NTRK2: variants seen among roughly 807,000 people sequenced by gnomAD.
NTRK2 encodes BDNF/NT-3 growth factors receptor.
Under a neutral mutation model 94.5 loss-of-function variants are expected in NTRK2, and 13 were observed. The ratio of observed to expected loss-of-function variants is 0.14; its 90% CI spans 0.09 to 0.22. The LOEUF is 0.22. Ranked by LOEUF, NTRK2 falls within the 10% of genes least tolerant of loss-of-function variation. The probability of loss-of-function intolerance (pLI) is 1.00; values close to 1 mark genes in which losing one functional copy is unlikely to be tolerated. For synonymous variants in NTRK2, 372 were observed against 407.4 expected, an observed-to-expected ratio of 0.91 and a Z score of 1.05; for missense variants, 639 against 1,071.2, an observed-to-expected ratio of 0.60 and a Z score of 5.63.
At chr9:84,753,853 A>G (rs1485149880) in intron 12 of NTRK2, among the ~76,000 whole-genome samples, 1 of 152,182 alleles carries the variant, frequency 6.6e-6, no homozygotes, top group Non-Finnish European at 1.5e-5. Context: ...TGGAGAGAGG[A>G]TATACCCAGG....
At chr9:84,759,254 T>C (rs1193463998) in intron 12 of NTRK2, among the ~76,000 whole-genome samples, 1 of 152,262 alleles carries the variant, frequency 6.6e-6, no homozygotes, top group Non-Finnish European at 1.5e-5. Context: ...TTTTAAAGTC[T>C]CTTACTTCTT....
intron 17 of NTRK2, among the ~76,000 whole-genome samples, chr9:84,988,268 G>A (rs1357632882): frequency 6.6e-6 from 1 of 152,208 alleles, no homozygotes; most frequent in Non-Finnish European, 1.5e-5. Context: ...TGGAGGGAGA[G>A]AGAGAGCAAG....
At chr9:84,672,976 C>A (rs1421038110) in intron 2 of NTRK2, among the ~76,000 whole-genome samples, 1 of 152,136 alleles carries the variant, frequency 6.6e-6, no homozygotes, top group East Asian at 1.9e-4. Context: ...TCTACTCTAA[C>A]TTTTTTCCCT....
chr9:84,849,399 G>A (rs1337571006), intron 12 of NTRK2, among the ~76,000 whole-genome samples: 3 of 152,114 alleles, frequency 2.0e-5, no homozygotes, highest in Admixed American at 6.6e-5. Context: ...TCGGTGGGTG[G>A]GGGAGTCCAA....
chr9:85,025,206 A>G lies in NTRK2; in HGVS notation c.*3769A>G, dbSNP rs559821761. The G allele has an allele frequency of 4.3e-6, 1 of 233,220 alleles. No individual in the cohort carries two copies. Among genetic ancestry groups the G allele is most frequent in the East Asian group, 6.0e-5 (1 of 16,578 alleles). The allele number at this position is 233,220 out of a possible 1,614,324, so 14.4% of individuals were successfully genotyped here. A position where few individuals can be genotyped will look rare whatever the true frequency, so the allele number is the denominator to read the frequency against. ...TTCCCAAAACAACTGAATAAAAGCC[A>G]TCCCACTACATTGAGTGCTTTCTCT... On this transcript the variant is annotated 3_prime_UTR_variant, in exon 19 of 19. Transcript: ENST00000277120.
intron 14 of NTRK2, among the ~76,000 whole-genome samples, chr9:84,929,721 C>A (rs1285649407): frequency 6.6e-6 from 1 of 152,070 alleles, no homozygotes; most frequent in African/African-American, 2.4e-5. Context: ...GCCACCATGT[C>A]CGTTTAATTT....
intron 8 of NTRK2, among the ~76,000 whole-genome samples, chr9:84,725,529 G>A (rs2062384105): frequency 6.6e-6 from 1 of 151,960 alleles, no homozygotes; most frequent in Non-Finnish European, 1.5e-5. Flanking sequence ...AGGTAAGTGT[G>A]GCCCCTGCCC....
intron 12 of NTRK2, chr9:84,814,161 T>C: frequency 2.8e-6 from 3 of 1,065,590 alleles, no homozygotes; most frequent in Non-Finnish European, 3.4e-6. Flanking sequence ...GGACAAGAAC[T>C]AAACAATCCC....
At chr9:85,019,907 G>T (rs1243800978) in intron 17 of NTRK2, among the ~76,000 whole-genome samples, 1 of 152,200 alleles carries the variant, frequency 6.6e-6, no homozygotes, top group Non-Finnish European at 1.5e-5. Flanking sequence ...CAGAAAGTGT[G>T]TGTATGTGTG....
chr9:84,757,051 T>C (rs1433983733), intron 12 of NTRK2, among the ~76,000 whole-genome samples: 1 of 152,234 alleles, frequency 6.6e-6, no homozygotes, highest in Non-Finnish European at 1.5e-5. Flanking sequence ...TTAACAGATA[T>C]TTGGATCAAC....
At chr9:84,927,831 G>C (rs1349644922) in intron 14 of NTRK2, among the ~76,000 whole-genome samples, 2 of 152,058 alleles carry the variant, frequency 1.3e-5, no homozygotes, top group Admixed American at 1.3e-4. Context: ...CACAGGTTAG[G>C]CACCCTGTTG....
chr9:84,676,573 A>C (rs912449659), intron 2 of NTRK2, among the ~76,000 whole-genome samples: 4 of 152,218 alleles, frequency 2.6e-5, no homozygotes, highest in African/African-American at 9.6e-5. Flanking sequence ...TGCAAAAATC[A>C]AGGGCAGTGA....
chr9:84,753,363 AAC>A (rs1167056568), intron 12 of NTRK2, among the ~76,000 whole-genome samples: 1 of 152,142 alleles, frequency 6.6e-6, no homozygotes, highest in Non-Finnish European at 1.5e-5. Flanking sequence ...GACTTGAGAA[AAC>A]ACAGATTCCT....
intron 12 of NTRK2, among the ~76,000 whole-genome samples, chr9:84,816,302 T>G (rs1210186623): frequency 6.6e-6 from 1 of 152,168 alleles, no homozygotes; most frequent in East Asian, 1.9e-4. Flanking sequence ...TGCCCCATTT[T>G]TCCCATTGAA....
intron 17 of NTRK2, among the ~76,000 whole-genome samples, chr9:84,962,025 C>T (rs1564506174): frequency 6.6e-6 from 1 of 152,198 alleles, no homozygotes; most frequent in African/African-American, 2.4e-5. Flanking sequence ...TCAAAATACG[C>T]TCTTGAGGCT....
intron 14 of NTRK2, chr9:84,874,756 T>A: frequency 9.4e-7 from 1 of 1,060,376 alleles, no homozygotes; most frequent in Non-Finnish European, 1.1e-6. Context: ...GAGGAGGAGA[T>A]GAATCCATTC....
intron 12 of NTRK2, chr9:84,811,722 A>G: frequency 9.4e-7 from 1 of 1,065,552 alleles, no homozygotes; most frequent in Non-Finnish European, 1.1e-6. Flanking sequence ...GCTAATGAAT[A>G]TATGCTTTAT....
intron 12 of NTRK2, among the ~76,000 whole-genome samples, chr9:84,854,813 G>A (rs1013093122): frequency 6.6e-6 from 1 of 152,062 alleles, no homozygotes; most frequent in Non-Finnish European, 1.5e-5. Flanking sequence ...CGGGCATGAT[G>A]GCATGTGCCT....
intron 14 of NTRK2, among the ~76,000 whole-genome samples, chr9:84,900,995 G>A (rs112475512): frequency 6.6e-6 from 1 of 152,082 alleles, no homozygotes; most frequent in Non-Finnish European, 1.5e-5. Flanking sequence ...CTCCCACTTC[G>A]ACCTAGAAAT....
Sources: gnomAD v4.1 joint callset for allele counts (sites outside exome capture counted in the v4.1 genomes callset) on GRCh38, gnomAD v4.1.1 for gene constraint, MANE v1.5 for transcripts, NCBI Gene and HGNC (gene_info 2026-07-23, HGNC 2026-07-21) for gene names.